Variants in NOMO1 observed in about 807,000 individuals in gnomAD.
The protein encoded by NOMO1 is NODAL modulator 1, also known as nodal modulator 3.
A neutral mutation model predicts 133.8 loss-of-function variants in NOMO1; 40 were observed. The observed-to-expected ratio is 0.30, with a 90% CI of 0.23 to 0.39. The LOEUF (loss-of-function observed/expected upper bound fraction) is 0.39. Ranked by LOEUF, NOMO1 falls within the 10% of genes least tolerant of loss-of-function variation. The probability of loss-of-function intolerance (pLI) is 1.00; values close to 1 mark genes in which losing one functional copy is unlikely to be tolerated. For synonymous variants in NOMO1, 236 were observed against 570.5 expected, an observed-to-expected ratio of 0.41 and a Z score of 8.36; for missense variants, 462 against 1,419.9, an observed-to-expected ratio of 0.33 and a Z score of 10.84.
In NOMO1 at chr16:14,855,678, A is replaced by G. The variant is rs1404859261; in HGVS notation, c.964-1539A>G. ...ATAGCTTGCAGAGAAGGATGGGGGC[A>G]GGTGAGCAGAGACAGCTATTCCCAG... On this transcript the variant is annotated intron_variant, in intron 9 of 30. Transcript: ENST00000287667. 2.0e-5 allele frequency among the ~76,000 whole-genome samples: 3 copies of G among 152,182 alleles called. No homozygotes were observed. In the East Asian group the frequency reaches 5.8e-4, roughly 29 times the overall value.
At chr16:14,873,951 C>T (rs984445238) in intron 18 of NOMO1, among the ~76,000 whole-genome samples, 2 of 151,654 alleles carry the variant, frequency 1.3e-5, no homozygotes, top group Non-Finnish European at 2.9e-5. Context: ...GCCAATTCCC[C>T]AACAAAGCCT....
intron 9 of NOMO1, among the ~76,000 whole-genome samples, chr16:14,855,462 A>T (rs1423603809): frequency 6.6e-6 from 1 of 151,774 alleles, no homozygotes; most frequent in Non-Finnish European, 1.5e-5. Flanking sequence ...TATTTTAATC[A>T]CTTTCTTTTA....
intron 14 of NOMO1, among the ~76,000 whole-genome samples, chr16:14,866,110 T>G (rs1478826528): frequency 6.8e-6 from 1 of 147,276 alleles, no homozygotes; most frequent in Non-Finnish European, 1.5e-5. Flanking sequence ...CAGGCCGGAG[T>G]GTGGTGGCGC....
chr16:14,881,412 A>T lies in NOMO1; in HGVS notation c.2886-132A>T, dbSNP rs1964240795. 7 of 1,601,576 alleles carry T rather than the reference A, an allele frequency of 4.4e-6. No homozygotes were observed. In the South Asian group the frequency reaches 7.8e-5, roughly 18 times the overall value. On this transcript the variant is annotated intron_variant, in intron 24 of 30. Coordinates refer to ENST00000287667, the MANE Select transcript of NOMO1 (RefSeq NM_014287.4). ...GTTTGGAAGTGGGCCGGCCACACTGAGTTGCCTGGGTCATTGAGGCACAGT... is the reference window on the plus strand; with the variant it reads ...GTTTGGAAGTGGGCCGGCCACACTGTGTTGCCTGGGTCATTGAGGCACAGT...
intron 22 of NOMO1, among the ~76,000 whole-genome samples, chr16:14,877,062 G>T (rs1964172005): frequency 8.6e-6 from 1 of 115,922 alleles, no homozygotes; most frequent in African/African-American, 3.0e-5. Context: ...GTGCAAAAGT[G>T]ATTGTGGTTT....
chr16:14,835,709 C>T (rs1963496111), intron 1 of NOMO1, among the ~76,000 whole-genome samples: 1 of 151,770 alleles, frequency 6.6e-6, no homozygotes, highest in African/African-American at 2.4e-5. Context: ...ATTACATTGC[C>T]ATCCTGTGTC....
At chr16:14,879,939 C>T in intron 23 of NOMO1, 76 bp from the exon 24 acceptor site, 2 of 1,604,048 alleles carry the variant, frequency 1.2e-6, no homozygotes, top group Non-Finnish European at 8.5e-7. Flanking sequence ...AATTCTGGTC[C>T]ATCGTGACAT....
In NOMO1 at chr16:14,879,699, C is replaced by T. The variant is rs1445438710; in HGVS notation, c.2758-316C>T. Among the ~76,000 whole-genome samples, 4 of 133,906 alleles carry T rather than the reference C, an allele frequency of 3.0e-5. 1 individual carries two copies. Among genetic ancestry groups the T allele is most frequent in the African/African-American group, 2.9e-5 (1 of 34,724 alleles). The allele number at this position is 133,906 out of a possible 152,430, so 87.8% of individuals were successfully genotyped here. The stretch of plus-strand genomic sequence containing the variant: ...GGTTGAGACTACGGTGTGCTGTGAT[C>T]GTGCACTCCATCCTGGGGGACAGAG... On this transcript the variant is annotated intron_variant, in intron 23 of 30. Coordinates refer to ENST00000287667, the MANE Select transcript of NOMO1 (RefSeq NM_014287.4).
Position 14,833,795 on chromosome 16 carries a change from A to C in NOMO1, c.-57A>C. 4.7e-6 allele frequency: 2 copies of C among 423,832 alleles called. No individual in the cohort carries two copies. Among genetic ancestry groups the C allele is most frequent in the East Asian group, 7.7e-5 (2 of 26,142 alleles). The allele number at this position is 423,832 out of a possible 1,614,324, so 26.3% of individuals were successfully genotyped here. A position where few individuals can be genotyped will look rare whatever the true frequency, so the allele number is the denominator to read the frequency against. On this transcript the variant is annotated 5_prime_UTR_variant, in exon 1 of 31. Coordinates refer to ENST00000287667, the MANE Select transcript of NOMO1 (RefSeq NM_014287.4). ...GAGGAGGAAGGAGCCTGCGGCGTGC[A>C]GTGTGAGGGGCGGGACCCGGCTGCC... is the stretch of plus-strand genomic sequence containing the variant.
chr16:14,838,219 C>T (rs1963549509), intron 1 of NOMO1, among the ~76,000 whole-genome samples, 188 bp from the exon 2 acceptor site: 1 of 151,944 alleles, frequency 6.6e-6, no homozygotes, highest in Admixed American at 6.6e-5. Flanking sequence ...ATCTGAAAAA[C>T]ATTGAGTCAC....
intron 16 of NOMO1, among the ~76,000 whole-genome samples, chr16:14,869,665 G>T (rs1964053830): frequency 2.0e-5 from 3 of 149,424 alleles, no homozygotes; most frequent in Admixed American, 6.7e-5. Context: ...ATATTTGAGT[G>T]GTTTCCAGTT....
At chr16:14,839,519 T>C (rs1366311095) in intron 2 of NOMO1, among the ~76,000 whole-genome samples, 3 of 151,796 alleles carry the variant, frequency 2.0e-5, no homozygotes, top group Non-Finnish European at 4.4e-5. Context: ...TCCTCCCACA[T>C]ATAAACCTTT....
intron 15 of NOMO1, among the ~76,000 whole-genome samples, chr16:14,867,149 G>GCTAT (rs1964008884): frequency 5.8e-5 from 1 of 17,276 alleles, no homozygotes; most frequent in Non-Finnish European, 1.4e-4. Context: ...GAGTTTCTCT[G>GCTAT]ATATATATAT....
chr16:14,892,609 TAAAA>T (rs757049459), intron 29 of NOMO1, among the ~76,000 whole-genome samples: 10 of 105,820 alleles, frequency 9.5e-5, no homozygotes, highest in Admixed American at 1.9e-4. Context: ...AAAGTATAAT[TAAAA>T]AAAAAAAAAA....
intron 18 of NOMO1, among the ~76,000 whole-genome samples, chr16:14,872,901 G>A (rs1964099885): frequency 6.7e-6 from 1 of 150,098 alleles, no homozygotes; most frequent in African/African-American, 2.4e-5. Flanking sequence ...GACCGTCTCT[G>A]TCAAGTAGAA....
intron 2 of NOMO1, among the ~76,000 whole-genome samples, chr16:14,839,731 A>G (rs2151892012): frequency 6.6e-6 from 1 of 151,222 alleles, no homozygotes; most frequent in East Asian, 2.0e-4. Flanking sequence ...GCATAGATAG[A>G]TCTACTGACT....
chr16:14,862,888 T>C (rs1963939987), intron 11 of NOMO1, 125 bp from the exon 12 acceptor site: 1 of 1,138,470 alleles, frequency 8.8e-7, no homozygotes, highest in East Asian at 2.4e-5. Flanking sequence ...ATTCTGTCTC[T>C]TCATTAAGAT....
chr16:14,874,136 C>T lies in NOMO1; in HGVS notation c.2055-900C>T, dbSNP rs765235967. On this transcript the variant is annotated intron_variant, in intron 18 of 30. Transcript: ENST00000287667. ...CCTCTGGGGTCACTGCAGCAGCTTC[C>T]CAGCTGGCCTTCCTGTTTCCGCCAT... is the stretch of plus-strand genomic sequence containing the variant. 3.8e-3 allele frequency among the ~76,000 whole-genome samples: 569 copies of T among 149,482 alleles called. 1 individual carries two copies. The highest frequency in any genetic ancestry group is 5.0e-3 in the Admixed American group (75 of 14,908).
At chr16:14,893,227 G>A (rs1222925154) in intron 29 of NOMO1, among the ~76,000 whole-genome samples, 2 of 151,744 alleles carry the variant, frequency 1.3e-5, no homozygotes, top group Non-Finnish European at 2.9e-5. Flanking sequence ...ACAGAGTCTT[G>A]CTTTGTTGCC....
Sources: gnomAD v4.1 joint callset for allele counts (sites outside exome capture counted in the v4.1 genomes callset) on GRCh38, gnomAD v4.1.1 for gene constraint, MANE v1.5 for transcripts, NCBI Gene and HGNC (gene_info 2026-07-23, HGNC 2026-07-21) for gene names.